Variants in CCDC138 observed in about 807,000 individuals in gnomAD.
CCDC138 encodes coiled-coil domain-containing protein 138.
In CCDC138, 66 loss-of-function variants were observed where a neutral mutation model predicts 82.3. That is an observed-to-expected ratio of 0.80 (90% CI 0.66 to 0.98). The LOEUF (loss-of-function observed/expected upper bound fraction) is 0.98. Among genes scored for constraint, CCDC138 ranks in the 50% least tolerant of loss-of-function variants. The probability of loss-of-function intolerance (pLI) is 0.00; values close to 1 mark genes in which losing one functional copy is unlikely to be tolerated. For missense variants in CCDC138, 816 were observed against 758.9 expected (o/e 1.08, Z -0.88); for synonymous variants, 297 against 265.4 (o/e 1.12, Z -1.16).
At chr2:108,839,133 A>G in intron 10 of CCDC138, 52 bp from the exon 11 acceptor site, 2 of 1,518,484 alleles carry the variant, frequency 1.3e-6, no homozygotes, top group Non-Finnish European at 1.8e-6. Context: ...TTGATTTAAG[A>G]CATTTAAAAA....
At chr2:108,797,244 G>C (rs1230862934) in intron 5 of CCDC138, among the ~76,000 whole-genome samples, 1 of 152,192 alleles carries the variant, frequency 6.6e-6, no homozygotes, top group Non-Finnish European at 1.5e-5. Flanking sequence ...AGGAAGCAGA[G>C]CCTATAAAGG....
chr2:108,813,564 A>G (rs929286639), intron 9 of CCDC138, among the ~76,000 whole-genome samples: 1 of 152,188 alleles, frequency 6.6e-6, no homozygotes, highest in African/African-American at 2.4e-5. Context: ...AGTCAAGACT[A>G]CAACCCATCC....
In CCDC138 at chr2:108,851,225, G is replaced by A. The variant is rs536635702; in HGVS notation, c.1516+4295G>A. On this transcript the variant is annotated intron_variant, in intron 12 of 14. Coordinates refer to ENST00000295124, the MANE Select transcript of CCDC138 (RefSeq NM_144978.3). Reference sequence around the variant, plus strand: ...TTCTGTCCCCTCCCTGGAGCACCACGCTCCAGAAATCTCCATATGTCCAGC... The same window carrying A: ...TTCTGTCCCCTCCCTGGAGCACCACACTCCAGAAATCTCCATATGTCCAGC... 5.9e-5 allele frequency among the ~76,000 whole-genome samples: 9 copies of A among 152,280 alleles called. No homozygotes were observed. The South Asian group carries it at 1.9e-3, about 32-fold the overall frequency.
chr2:108,855,815 A>G (rs954883299), intron 12 of CCDC138, among the ~76,000 whole-genome samples: 4 of 152,242 alleles, frequency 2.6e-5, no homozygotes, highest in Admixed American at 6.5e-5. Context: ...AAGAAATGCA[A>G]CATGAAGCTA....
In CCDC138 at chr2:108,815,976, T is replaced by C. The variant is rs1193496098; in HGVS notation, c.1077T>C (p.Thr359=). 1.9e-5 allele frequency: 30 copies of C among 1,612,854 alleles called. No individual in the cohort carries two copies. Among genetic ancestry groups the C allele is most frequent in the African/African-American group, 2.7e-5 (2 of 74,900 alleles). ...PLNGQVYELL[T]VFMDWISDHH... ...ATGGGCAAGTTTATGAACTTTTAAC[T>C]GTCTTCATGGACTGGATTTCGGATC... Residue 359 remains threonine, a synonymous_variant, in exon 10 of 15, where the codon ACT becomes ACC. Transcript: ENST00000295124.
chr2:108,856,658 T>C, intron 12 of CCDC138, 136 bp from the exon 13 acceptor site: 2 of 749,144 alleles, frequency 2.7e-6, no homozygotes, highest in Non-Finnish European at 4.3e-6. Context: ...AATCTAAATT[T>C]AGACTGTGAT....
At chr2:108,866,288 A>AGTG (rs1055193039) in intron 13 of CCDC138, among the ~76,000 whole-genome samples, 3 of 152,182 alleles carry the variant, frequency 2.0e-5, no homozygotes, top group African/African-American at 7.2e-5. Flanking sequence ...GACCCTGTGA[A>AGTG]GTGATCCAGG....
At chr2:108,870,015 T>TA (rs1214655069) in intron 13 of CCDC138, among the ~76,000 whole-genome samples, 1 of 152,200 alleles carries the variant, frequency 6.6e-6, no homozygotes, top group Middle Eastern at 3.2e-3. Context: ...CTATCTTAAA[T>TA]ATGCTCAATG....
intron 6 of CCDC138, among the ~76,000 whole-genome samples, chr2:108,802,748 A>G (rs1265207928): frequency 6.7e-6 from 1 of 149,726 alleles, no homozygotes; most frequent in African/African-American, 2.4e-5. Flanking sequence ...CCCATTCAGT[A>G]TGATATCGGC....
chr2:108,800,134 A>AT (rs1425999793), intron 6 of CCDC138, among the ~76,000 whole-genome samples: 1 of 151,940 alleles, frequency 6.6e-6, no homozygotes, highest in Non-Finnish European at 1.5e-5. Context: ...GGTTCTTTGT[A>AT]TGTTCAGTGA....
At chr2:108,792,894 C>G (rs181477282) in intron 4 of CCDC138, among the ~76,000 whole-genome samples, 1 of 150,604 alleles carries the variant, frequency 6.6e-6, no homozygotes, top group Non-Finnish European at 1.5e-5. Context: ...GAAACCCTGT[C>G]TCTACTAAAA....
At chr2:108,787,578 C>T (rs1679101116) in intron 1 of CCDC138, among the ~76,000 whole-genome samples, 2 of 152,254 alleles carry the variant, frequency 1.3e-5, no homozygotes, top group Middle Eastern at 3.4e-3. Context: ...GCAATTATCT[C>T]GATAAAACCT....
intron 11 of CCDC138, among the ~76,000 whole-genome samples, chr2:108,844,810 C>T (rs1377843383): frequency 6.6e-6 from 1 of 150,416 alleles, no homozygotes; most frequent in African/African-American, 2.5e-5. Flanking sequence ...AGCAGTGGCA[C>T]GATCTCGGCT....
chr2:108,808,301 A>G (rs1283077058), intron 7 of CCDC138, among the ~76,000 whole-genome samples: 1 of 152,170 alleles, frequency 6.6e-6, no homozygotes, highest in Non-Finnish European at 1.5e-5. Context: ...GGCTATTGCA[A>G]ATACTGCTGC....
chr2:108,864,654 C>T (rs778102587), intron 13 of CCDC138, among the ~76,000 whole-genome samples: 2 of 151,916 alleles, frequency 1.3e-5, no homozygotes, highest in East Asian at 1.9e-4. Context: ...AAAAGCCAGG[C>T]GTGGTGGCCC....
intron 10 of CCDC138, among the ~76,000 whole-genome samples, chr2:108,826,414 A>T (rs1205618636): frequency 1.3e-5 from 2 of 152,074 alleles, no homozygotes; most frequent in African/African-American, 4.8e-5. Flanking sequence ...CCTTTGATGC[A>T]TTTTGAGTTA....
rs200264268 is a variant in CCDC138 at position 108,839,169 on chromosome 2, A to G, written c.1207-16A>G. ...TACTGTGCCTTTGTATTTATTTTCC[A>G]TCATTTTATCTTTAGCTTTTGCCTC... On this transcript the variant is annotated splice_polypyrimidine_tract_variant and intron_variant, in intron 10 of 14. Transcript: ENST00000295124. 6.3e-6 allele frequency: 10 copies of G among 1,589,120 alleles called. No individual in the cohort carries two copies. Among genetic ancestry groups the G allele is most frequent in the Admixed American group, 1.8e-5 (1 of 55,298 alleles).
rs1681490374 is a variant in CCDC138, at chr2:108,799,274, A to G, written c.735+688A>G. 3.9e-5 allele frequency among the ~76,000 whole-genome samples: 6 copies of G among 152,340 alleles called. No homozygotes were observed. In the South Asian group the frequency reaches 1.2e-3, roughly 32 times the overall value. On this transcript the variant is annotated intron_variant, in intron 6 of 14. Coordinates refer to ENST00000295124, the MANE Select transcript of CCDC138 (RefSeq NM_144978.3). The stretch of plus-strand genomic sequence containing the variant: ...GGCAAGGATATTGTATAGGTGGTAT[A>G]ATATACCTTGCTTCATATTAAGATA...
In CCDC138 at chr2:108,786,858, T is replaced by C; in HGVS notation, c.36T>C (p.Asp12=). The C allele has an allele frequency of 6.3e-7, 1 of 1,592,390 alleles. No homozygotes were observed. Among genetic ancestry groups the C allele is most frequent in the Non-Finnish European group, 8.5e-7 (1 of 1,171,184 alleles). ...GGGTCGTCAAGCCACCGGGGCAGGA[T>C]TTAGTAGTGGAGAGTCTCAAAAGCC... ...EPRVVKPPGQ[D]LVVESLKSRY... is the part of the protein sequence containing the mutation. The change falls in exon 1 of 15, where the codon GAT becomes GAC. Residue 12 remains aspartate (D), a synonymous_variant. Transcript: ENST00000295124.
Sources: gnomAD v4.1 joint callset for allele counts (sites outside exome capture counted in the v4.1 genomes callset) on GRCh38, gnomAD v4.1.1 for gene constraint, MANE v1.5 for transcripts, NCBI Gene and HGNC (gene_info 2026-07-23, HGNC 2026-07-21) for gene names.